The following RNMT variants were observed in gnomAD, a reference collection of about 807,000 sequenced individuals.
RNMT encodes the protein mRNA cap guanine-N(7) methyltransferase.
Under a neutral mutation model 56.0 loss-of-function variants are expected in RNMT, and 27 were observed. The ratio of observed to expected loss-of-function variants is 0.48; its 90% confidence interval spans 0.36 to 0.67. The LOEUF (loss-of-function observed/expected upper bound fraction) is 0.67, where lower values mean the gene tolerates loss of function less well. Ranked by LOEUF, RNMT falls within the 30% of genes least tolerant of loss-of-function variation. RNMT has a pLI of 0.00. For synonymous variants in RNMT, 184 were observed against 176.2 expected, an observed-to-expected ratio of 1.04 and a Z score of -0.35; for missense variants, 519 against 552.1, an observed-to-expected ratio of 0.94 and a Z score of 0.60.
chr18:13,735,096 G>GT (rs1568500199), intron 4 of RNMT, among the ~76,000 whole-genome samples: 1 of 151,896 alleles, frequency 6.6e-6, no homozygotes. Flanking sequence ...TGTCGGCACC[G>GT]TAAGATAGGG....
chr18:13,746,984 G>A lies in RNMT; in HGVS notation c.1257+647G>A, dbSNP rs140156767. Among the ~76,000 whole-genome samples, 273 of 152,266 alleles carry A rather than the reference G, an allele frequency of 1.8e-3. 1 individual carries two copies. The highest frequency in any genetic ancestry group is 6.8e-3 in the Middle Eastern group (2 of 294). The stretch of plus-strand genomic sequence containing the variant: ...TATCTATATAAGCTTCAATTACACA[G>A]CCATTGATTGTTTTTCCTTTTTCTC... On this transcript the variant is annotated intron_variant, in intron 9 of 11. Transcript: ENST00000383314.
chr18:13,732,990 T>C (rs940451314), intron 3 of RNMT, among the ~76,000 whole-genome samples: 7 of 152,090 alleles, frequency 4.6e-5, no homozygotes, highest in African/African-American at 1.4e-4. Context: ...CTTGAATTCC[T>C]GACCTTGTGA....
At chr18:13,737,989 G>A (rs1446496158) in intron 5 of RNMT, among the ~76,000 whole-genome samples, 3 of 151,272 alleles carry the variant, frequency 2.0e-5, no homozygotes, top group Non-Finnish European at 2.9e-5. Context: ...GGGAAAAGTC[G>A]ATAGTAACGC....
At position 13,763,207 on chromosome 18, in the gene RNMT, C is replaced by A; in HGVS notation, c.*3228C>A. On this transcript the variant is annotated 3_prime_UTR_variant, in exon 12 of 12. Transcript: ENST00000383314. ...CACACTTGACAAGTGTTTTCATTCC[C>A]CGCCCTCTGACAGAACAACATTCCT... 2.2e-6 allele frequency: 1 copy of A among 450,866 alleles called. No homozygotes were observed. The highest frequency in any genetic ancestry group is 4.5e-6 in the Non-Finnish European group (1 of 223,756). 27.9% of individuals were successfully genotyped at this position (450,866 alleles called of 1,614,324 possible).
rs1203544276 is a variant in RNMT, at chr18:13,760,677, T to C, written c.*698T>C. The C allele has an allele frequency of 4.1e-6, 4 of 985,238 alleles. No individual in the cohort carries two copies. The highest frequency in any genetic ancestry group is 6.1e-5 in the Admixed American group (1 of 16,268). 61.0% of individuals were successfully genotyped at this position (985,238 alleles called of 1,614,324 possible). A position where few individuals can be genotyped will look rare whatever the true frequency, so the allele number is the denominator to read the frequency against. Reference sequence around the variant, plus strand: ...TTAATGTTTCCAGTTATCAAGATTGTGATTAGACACATTTACCTTTCTTCA... The same window carrying C: ...TTAATGTTTCCAGTTATCAAGATTGCGATTAGACACATTTACCTTTCTTCA... On this transcript the variant is annotated 3_prime_UTR_variant, in exon 12 of 12. Transcript: ENST00000383314.
intron 7 of RNMT, among the ~76,000 whole-genome samples, chr18:13,742,126 G>A (rs546172408): frequency 1.4e-4 from 21 of 152,144 alleles, no homozygotes; most frequent in African/African-American, 5.1e-4. Context: ...ATTGCTTGAG[G>A]CCAGGAGTTT....
At chr18:13,752,464 G>GA (rs1384950017) in intron 10 of RNMT, 37 bp downstream of exon 10, 2 of 1,286,192 alleles carry the variant, frequency 1.6e-6, no homozygotes, top group Non-Finnish European at 1.1e-6. Flanking sequence ...TATAGAGAAT[G>GA]AAAAAAAGAA....
chr18:13,762,390 G>C lies in RNMT; in HGVS notation c.*2411G>C. 3 of 490,812 alleles carry C rather than the reference G, an allele frequency of 6.1e-6. No homozygotes were observed. The highest frequency in any genetic ancestry group is 1.1e-5 in the Non-Finnish European group (3 of 275,656). 30.4% of individuals were successfully genotyped at this position (490,812 alleles called of 1,614,324 possible). On this transcript the variant is annotated 3_prime_UTR_variant, in exon 12 of 12. Coordinates refer to ENST00000383314, the MANE Select transcript of RNMT (RefSeq NM_003799.3). Reference sequence around the variant, plus strand: ...GGAGCCGTGTTCTAACCTGTGGAAAGTATTGCAATTCTGTGAGAGTGACTC... The same window carrying C: ...GGAGCCGTGTTCTAACCTGTGGAAACTATTGCAATTCTGTGAGAGTGACTC...
intron 3 of RNMT, 124 bp downstream of exon 3, chr18:13,732,058 T>A: frequency 1.5e-6 from 1 of 688,604 alleles, no homozygotes; most frequent in Non-Finnish European, 2.3e-6. Flanking sequence ...ATAGATATGG[T>A]CCTAAGACAA....
chr18:13,726,958 G>A (rs940271510), intron 1 of RNMT: 2 of 152,374 alleles, frequency 1.3e-5, no homozygotes, highest in African/African-American at 2.4e-5. Flanking sequence ...GGGCGAGCCC[G>A]GGTGGGAGAA....
chr18:13,738,112 C>T (rs1397025875), intron 5 of RNMT, among the ~76,000 whole-genome samples: 1 of 152,104 alleles, frequency 6.6e-6, no homozygotes, highest in Non-Finnish European at 1.5e-5. Context: ...TACATACCCC[C>T]ACTACTGAAG....
At chr18:13,747,024 T>C (rs2044363285) in intron 9 of RNMT, among the ~76,000 whole-genome samples, 1 of 152,192 alleles carries the variant, frequency 6.6e-6, no homozygotes, top group Non-Finnish European at 1.5e-5. Context: ...CCAGACAATG[T>C]TTGGTTGGAC....
intron 11 of RNMT, among the ~76,000 whole-genome samples, chr18:13,756,227 A>AT (rs1458677476): frequency 1.3e-5 from 2 of 152,184 alleles, no homozygotes; most frequent in South Asian, 2.1e-4. Flanking sequence ...TCACGATTTG[A>AT]TTTTTTTAAA....
intron 10 of RNMT, among the ~76,000 whole-genome samples, chr18:13,753,459 T>C (rs1290248310): frequency 6.7e-6 from 1 of 149,830 alleles, no homozygotes; most frequent in South Asian, 2.1e-4. Context: ...AGCCAGACTC[T>C]GTCTCAAAAA....
intron 9 of RNMT, among the ~76,000 whole-genome samples, chr18:13,749,977 C>T (rs181257275): frequency 7.9e-5 from 12 of 152,258 alleles, no homozygotes; most frequent in Non-Finnish European, 1.3e-4. Flanking sequence ...CCAGGCTAGT[C>T]TCGAACCCCT....
Position 13,740,171 on chromosome 18 carries a change from T to G in RNMT, c.684T>G (p.Ile228Met), listed in dbSNP as rs746677748. Reference sequence around the variant, plus strand: ...AATACCCTTCCATCCTTCCAGATATTGCCGATGTTTCTGTCAAACAGTGTC... The same window carrying G: ...AATACCCTTCCATCCTTCCAGATATGGCCGATGTTTCTGTCAAACAGTGTC... ...GRINKLVCTD[I>M]ADVSVKQCQQ... The change falls in exon 6 of 12, where the codon ATT (isoleucine) becomes ATG (methionine). Residue 228 changes from isoleucine (I) to methionine (M), a missense_variant. Coordinates refer to ENST00000383314, the MANE Select transcript of RNMT (RefSeq NM_003799.3). 6.3e-7 allele frequency: 1 copy of G among 1,597,292 alleles called. No homozygotes were observed. Among genetic ancestry groups the G allele is most frequent in the East Asian group, 2.2e-5 (1 of 44,776 alleles).
rs562805854 is a variant in RNMT, at chr18:13,756,475, G to A, written c.1393+2328G>A. Among the ~76,000 whole-genome samples, 63 of 152,180 alleles carry A rather than the reference G, an allele frequency of 4.1e-4. 1 individual carries two copies. The South Asian group carries it at 0.013, about 31-fold the overall frequency. On this transcript the variant is annotated intron_variant, in intron 11 of 11. Coordinates refer to ENST00000383314, the MANE Select transcript of RNMT (RefSeq NM_003799.3). The stretch of plus-strand genomic sequence containing the variant: ...CTGCACAAAGGTCACACAGAGTGGG[G>A]GACAGCATGAGTGATACTGGCCAGC...
At chr18:13,733,773 A>AAC (rs1601999437) in intron 3 of RNMT, among the ~76,000 whole-genome samples, 1 of 152,240 alleles carries the variant, frequency 6.6e-6, no homozygotes, top group African/African-American at 2.4e-5. Flanking sequence ...CCTTTGTAGA[A>AAC]ACACCAAACA....
chr18:13,742,787 G>A (rs143936085), intron 8 of RNMT, 135 bp downstream of exon 8: 25 of 641,032 alleles, frequency 3.9e-5, no homozygotes, highest in African/African-American at 3.9e-4. Context: ...TTTTGTTTTT[G>A]TGTTTTTAAA....
Sources: allele counts gnomAD v4.1 joint callset (sites outside exome capture counted in the v4.1 genomes callset), GRCh38; gene constraint gnomAD v4.1.1; transcripts MANE v1.5; gene names NCBI Gene and HGNC (gene_info 2026-07-23, HGNC 2026-07-21).